Variants in LIN28B observed in about 807,000 individuals in gnomAD.
LIN28B encodes the protein protein lin-28 homolog B.
LIN28B carries 5 observed loss-of-function variants against 21.9 expected under a neutral mutation model. That is an observed-to-expected ratio of 0.23 (90% CI 0.12 to 0.48). The LOEUF (loss-of-function observed/expected upper bound fraction) is 0.48. Among genes scored for constraint, LIN28B ranks in the 20% least tolerant of loss-of-function variants. LIN28B has a pLI of 0.98. For missense variants in LIN28B, 245 were observed against 310.5 expected (o/e 0.79, Z 1.58); for synonymous variants, 109 against 111.3 (o/e 0.98, Z 0.13).
At chr6:105,019,112 A>AT (rs1202797493) in intron 2 of LIN28B, among the ~76,000 whole-genome samples, 1 of 151,664 alleles carries the variant, frequency 6.6e-6, no homozygotes, top group African/African-American at 2.4e-5. Context: ...CACCCAGCTA[A>AT]TTTTTTTGTA....
chr6:104,944,088 G>A (rs1778128890), intron 2 of LIN28B, among the ~76,000 whole-genome samples: 1 of 151,814 alleles, frequency 6.6e-6, no homozygotes, highest in Non-Finnish European at 1.5e-5. Flanking sequence ...GATTCAAGTA[G>A]CATCATGACT....
At chr6:105,041,432 CTTTATT>C (rs1419763263) in intron 3 of LIN28B, among the ~76,000 whole-genome samples, 1 of 151,872 alleles carries the variant, frequency 6.6e-6, no homozygotes, top group Non-Finnish European at 1.5e-5. Flanking sequence ...TATCTTCAGT[CTTTATT>C]TTTATAGGTA....
At chr6:104,994,265 A>G (rs1265749486) in intron 2 of LIN28B, among the ~76,000 whole-genome samples, 1 of 152,206 alleles carries the variant, frequency 6.6e-6, no homozygotes, top group Non-Finnish European at 1.5e-5. Flanking sequence ...CGGCCTCCCA[A>G]ATTGCTGGGA....
chr6:105,055,166 G>A (rs1470955800), intron 3 of LIN28B, among the ~76,000 whole-genome samples: 1 of 152,070 alleles, frequency 6.6e-6, no homozygotes, highest in Non-Finnish European at 1.5e-5. Flanking sequence ...GTTTCTCTGA[G>A]CTTTTTGGAT....
At chr6:104,981,496 G>T (rs932812657) in intron 2 of LIN28B, among the ~76,000 whole-genome samples, 1 of 152,072 alleles carries the variant, frequency 6.6e-6, no homozygotes, top group African/African-American at 2.4e-5. Context: ...CTATCACTTT[G>T]CCCTTTTATT....
At chr6:105,057,390 A>T (rs1772040975) in intron 3 of LIN28B, among the ~76,000 whole-genome samples, 1 of 152,232 alleles carries the variant, frequency 6.6e-6, no homozygotes, top group African/African-American at 2.4e-5. Flanking sequence ...CTGACAGCAT[A>T]GGAAATTATT....
At chr6:105,035,810 CTTAAT>C (rs1322208237) in intron 3 of LIN28B, among the ~76,000 whole-genome samples, 9 of 152,096 alleles carry the variant, frequency 5.9e-5, no homozygotes, top group African/African-American at 2.2e-4. Flanking sequence ...CATTTGTATA[CTTAAT>C]TTAAATTTAA....
chr6:105,007,269 T>C lies in LIN28B; in HGVS notation c.199-19029T>C, dbSNP rs77019104. Among the ~76,000 whole-genome samples, 84 of 152,312 alleles carry C rather than the reference T, an allele frequency of 5.5e-4. 1 individual carries two copies. Among genetic ancestry groups the C allele is most frequent in the Non-Finnish European group, 6.2e-4 (42 of 68,024 alleles). On this transcript the variant is annotated intron_variant, in intron 2 of 3. Coordinates refer to ENST00000345080, the MANE Select transcript of LIN28B (RefSeq NM_001004317.4). Reference sequence around the variant, plus strand: ...TTTATTGAAACAGTTTCAATTTGAATTTATTATTCAAAACAATTGAATTTA... The same window carrying C: ...TTTATTGAAACAGTTTCAATTTGAACTTATTATTCAAAACAATTGAATTTA...
At chr6:104,951,510 ATTG>A (rs902697566) in intron 3 of LIN28B, among the ~76,000 whole-genome samples, 3 of 151,988 alleles carry the variant, frequency 2.0e-5, no homozygotes, top group Admixed American at 6.6e-5. Context: ...TCCTCTTATT[ATTG>A]TTTTCATTTA....
intron 2 of LIN28B, among the ~76,000 whole-genome samples, chr6:105,017,973 C>G (rs1478458949): frequency 6.6e-6 from 1 of 152,090 alleles, no homozygotes; most frequent in Non-Finnish European, 1.5e-5. Context: ...CTTAAGATGT[C>G]AATCAAAAGT....
chr6:104,958,911 A>G (rs1769652073), intron 2 of LIN28B, among the ~76,000 whole-genome samples: 1 of 152,192 alleles, frequency 6.6e-6, no homozygotes, highest in Admixed American at 6.5e-5. Flanking sequence ...CCGTGTAGTC[A>G]TTGGTCTACG....
At chr6:104,973,859 G>A (rs577304378) in intron 2 of LIN28B, among the ~76,000 whole-genome samples, 246 of 152,194 alleles carry the variant, frequency 1.6e-3, no homozygotes, top group Non-Finnish European at 2.7e-3. Flanking sequence ...TTTTCTAAAG[G>A]CTAATGATTT....
intron 2 of LIN28B, among the ~76,000 whole-genome samples, chr6:104,987,868 C>T (rs896193794): frequency 1.8e-4 from 27 of 152,160 alleles, no homozygotes; most frequent in African/African-American, 5.8e-4. Flanking sequence ...CCCAGCCTTC[C>T]GAGTAGCTGG....
chr6:104,990,091 G>A (rs1276484899), intron 2 of LIN28B, among the ~76,000 whole-genome samples: 1 of 152,014 alleles, frequency 6.6e-6, no homozygotes, highest in Middle Eastern at 3.4e-3. Flanking sequence ...TATTTTGAAA[G>A]TATGTTGCTG....
chr6:104,986,023 G>A (rs1770332075), intron 2 of LIN28B, among the ~76,000 whole-genome samples: 1 of 152,172 alleles, frequency 6.6e-6, no homozygotes, highest in African/African-American at 2.4e-5. Context: ...AATCTGCAGT[G>A]TTGGGGGAGG....
intron 3 of LIN28B, among the ~76,000 whole-genome samples, chr6:105,037,484 C>A (rs1228955131): frequency 6.9e-6 from 1 of 145,356 alleles, no homozygotes; most frequent in Non-Finnish European, 1.5e-5. Flanking sequence ...CCCTCTCCTC[C>A]CCCTCCTCCC....
intron 2 of LIN28B, among the ~76,000 whole-genome samples, chr6:105,023,323 A>T (rs1268446563): frequency 6.1e-4 from 23 of 37,504 alleles, no homozygotes; most frequent in East Asian, 2.6e-3. Flanking sequence ...ATTATATATA[A>T]TATATATAAT....
At chr6:105,008,938 A>G (rs556258039) in intron 2 of LIN28B, among the ~76,000 whole-genome samples, 3 of 152,348 alleles carry the variant, frequency 2.0e-5, no homozygotes, top group East Asian at 1.9e-4. Context: ...CTAACAAGTT[A>G]TTATAATAAG....
intron 3 of LIN28B, among the ~76,000 whole-genome samples, chr6:105,060,223 A>G (rs941196550): frequency 6.6e-6 from 1 of 151,766 alleles, no homozygotes; most frequent in Non-Finnish European, 1.5e-5. Flanking sequence ...TTTTTTAATA[A>G]TACAAGGTGA....
Sources: allele counts gnomAD v4.1 joint callset (sites outside exome capture counted in the v4.1 genomes callset), GRCh38; gene constraint gnomAD v4.1.1; transcripts MANE v1.5; gene names NCBI Gene and HGNC (gene_info 2026-07-23, HGNC 2026-07-21).